Variants in MYCBP2 observed in about 807,000 individuals in gnomAD.
MYCBP2 encodes the protein E3 ubiquitin-protein ligase MYCBP2.
A neutral mutation model predicts 525.3 loss-of-function variants in MYCBP2; 120 were observed. That is an observed-to-expected ratio of 0.23 (90% CI 0.20 to 0.27). The LOEUF (loss-of-function observed/expected upper bound fraction) is 0.27. Among genes scored for constraint, MYCBP2 ranks in the 10% least tolerant of loss-of-function variants. The pLI is 1.00. For missense variants in MYCBP2, 4,149 were observed against 5,657.1 expected (o/e 0.73, Z 8.55); for synonymous variants, 1,894 against 1,955.8 (o/e 0.97, Z 0.83).
intron 60 of MYCBP2, among the ~76,000 whole-genome samples, chr13:77,089,638 C>A (rs968507735): frequency 6.7e-6 from 1 of 150,282 alleles, no homozygotes; most frequent in South Asian, 2.1e-4. Context: ...TGGTCCAGAT[C>A]ATGTAACTGT....
At position 77,055,638 on chromosome 13, in the gene MYCBP2, G is replaced by T; in HGVS notation, c.13567C>A (p.Pro4523Thr). Residue 4523 changes from proline to threonine, a missense_variant, in exon 80 of 83, where the codon CCT (proline) becomes ACT (threonine). Physicochemically the swap from Pro to Thr is conservative, Grantham distance 38. Transcript: ENST00000544440. ...GGGTCATTATAAAACCTCACACCAG[G>T]AGTTGTGATAGCTTCACTCTTATGC... ...GLHKSEAITTPGVRFYNDPAG... is the reference protein window; with the variant it reads ...GLHKSEAITTTGVRFYNDPAG... The T allele has an allele frequency of 6.2e-7, 1 of 1,613,972 alleles. No individual in the cohort carries two copies. The highest frequency in any genetic ancestry group is 1.3e-5 in the African/African-American group (1 of 75,012).
At chr13:77,046,905 CCAG>C (rs2035673496) in intron 82 of MYCBP2, among the ~76,000 whole-genome samples, 1 of 152,188 alleles carries the variant, frequency 6.6e-6, no homozygotes, top group Non-Finnish European at 1.5e-5. Context: ...GCCCACCCCA[CCAG>C]TGGGTGGGGG....
intron 32 of MYCBP2, among the ~76,000 whole-genome samples, chr13:77,183,853 C>T (rs529975804): frequency 6.6e-6 from 1 of 152,154 alleles, no homozygotes; most frequent in East Asian, 1.9e-4. Context: ...CGGTGAACCC[C>T]TATTTCACTT....
intron 52 of MYCBP2, among the ~76,000 whole-genome samples, chr13:77,133,183 T>C (rs1212858556): frequency 1.3e-5 from 2 of 152,178 alleles, no homozygotes; most frequent in Admixed American, 6.6e-5. Flanking sequence ...TCAACTGGTG[T>C]TCCAATACCA....
intron 34 of MYCBP2, among the ~76,000 whole-genome samples, chr13:77,179,565 T>A (rs911189294): frequency 1.3e-5 from 2 of 152,212 alleles, no homozygotes; most frequent in Middle Eastern, 3.2e-3. Flanking sequence ...TACAACAAAG[T>A]GAATGCATTT....
At chr13:77,131,136 A>T (rs1408098226) in intron 52 of MYCBP2, among the ~76,000 whole-genome samples, 5 of 152,196 alleles carry the variant, frequency 3.3e-5, no homozygotes, top group Non-Finnish European at 7.3e-5. Flanking sequence ...TTACCCTAAG[A>T]TTATTTTCAA....
intron 41 of MYCBP2, among the ~76,000 whole-genome samples, chr13:77,165,637 TC>T (rs1420271843): frequency 6.6e-6 from 1 of 152,088 alleles, no homozygotes; most frequent in Non-Finnish European, 1.5e-5. Flanking sequence ...ATAATCAAAC[TC>T]CCCTGCTTAA....
intron 1 of MYCBP2, among the ~76,000 whole-genome samples, chr13:77,306,519 T>C (rs559397695): frequency 6.6e-6 from 1 of 152,102 alleles, no homozygotes; most frequent in Admixed American, 6.5e-5. Context: ...ACCTTGGCAA[T>C]GGGCAGAGCA....
intron 55 of MYCBP2, among the ~76,000 whole-genome samples, chr13:77,118,781 A>G (rs1207938107): frequency 6.6e-6 from 1 of 152,142 alleles, no homozygotes; most frequent in African/African-American, 2.4e-5. Flanking sequence ...TATGTATGGG[A>G]GAACGAAGAC....
At chr13:77,319,734 T>C (rs2081369091) in intron 1 of MYCBP2, among the ~76,000 whole-genome samples, 1 of 152,218 alleles carries the variant, frequency 6.6e-6, no homozygotes, top group East Asian at 1.9e-4. Flanking sequence ...AAGTTTTAAG[T>C]TGCATAGCTA....
chr13:77,087,679 T>G, intron 61 of MYCBP2, 46 bp from the exon 62 acceptor site: 1 of 1,524,764 alleles, frequency 6.6e-7, no homozygotes, highest in Non-Finnish European at 8.9e-7. Context: ...AATACATGAG[T>G]TTAAAAAGTA....
chr13:77,058,933 C>T lies in MYCBP2; in HGVS notation c.13141-527G>A, dbSNP rs546521019. 6.6e-6 allele frequency among the ~76,000 whole-genome samples: 1 copy of T among 152,014 alleles called. No individual in the cohort carries two copies. Among genetic ancestry groups the T allele is most frequent in the East Asian group, 1.9e-4 (1 of 5,174 alleles). On this transcript the variant is annotated intron_variant, in intron 77 of 82. Coordinates refer to ENST00000544440, the MANE Select transcript of MYCBP2 (RefSeq NM_015057.5). This position sits in a 1 kb window ranked among gnomAD's most constrained non-coding sequence, Gnocchi z 4.1. ...CCGGGAGGCGGAGGTTGCAGTGAGC[C>T]GAGATCGTGCCACTGTACTCCAGCC...
At position 77,107,795 on chromosome 13, in the gene MYCBP2, T is replaced by C. The variant is rs547412383; in HGVS notation, c.8141-8782A>G. ...AAAATAAAGTAACAGTGATGATTTG[T>C]ATATACTCTTAGCTATGGCAGCCAT... On this transcript the variant is annotated intron_variant, in intron 55 of 82. Transcript: ENST00000544440. Among the ~76,000 whole-genome samples the C allele has an allele frequency of 2.0e-5, 3 of 152,220 alleles. 1 individual carries two copies. The highest frequency in any genetic ancestry group is 7.2e-5 in the African/African-American group (3 of 41,568).
chr13:77,260,702 T>G (rs2073123503), intron 12 of MYCBP2, 110 bp from the exon 13 acceptor site: 2 of 958,142 alleles, frequency 2.1e-6, no homozygotes, highest in African/African-American at 3.5e-5. Context: ...TTTATGACAC[T>G]ATTTGTTTAT....
chr13:77,240,257 T>C (rs1241399258), intron 17 of MYCBP2, among the ~76,000 whole-genome samples: 1 of 152,204 alleles, frequency 6.6e-6, no homozygotes, highest in Non-Finnish European at 1.5e-5. Context: ...TGAAGTTTGA[T>C]TTTTTAAAAA....
At chr13:77,050,021 TTA>T (rs869263210) in intron 82 of MYCBP2, among the ~76,000 whole-genome samples, 13 of 151,758 alleles carry the variant, frequency 8.6e-5, no homozygotes, top group Admixed American at 1.3e-4. Context: ...TTTTTTTTTT[TTA>T]AACTGATGCG....
intron 36 of MYCBP2, among the ~76,000 whole-genome samples, chr13:77,175,077 T>C (rs2059565928): frequency 6.8e-6 from 1 of 147,138 alleles, no homozygotes; most frequent in Non-Finnish European, 1.5e-5. Context: ...CACCGGTGTG[T>C]TCCATCACAC....
chr13:77,288,875 A>G (rs2154359921), intron 2 of MYCBP2, among the ~76,000 whole-genome samples: 1 of 152,304 alleles, frequency 6.6e-6, no homozygotes, highest in Non-Finnish European at 1.5e-5. Context: ...TTCAAGTAAC[A>G]GTAATGCCAA....
At chr13:77,245,737 G>A (rs1021172605) in intron 15 of MYCBP2, among the ~76,000 whole-genome samples, 6 of 95,954 alleles carry the variant, frequency 6.3e-5, no homozygotes, top group Admixed American at 1.3e-4. Flanking sequence ...ATCCCAGAAC[G>A]TAAAGTAACA....
Sources: allele counts gnomAD v4.1 joint callset (sites outside exome capture counted in the v4.1 genomes callset), GRCh38; gene constraint gnomAD v4.1.1; non-coding constraint Gnocchi (gnomAD v3.1); transcripts MANE v1.5; gene names NCBI Gene and HGNC (gene_info 2026-07-23, HGNC 2026-07-21).